Variants in SH3PXD2A observed in about 807,000 individuals in gnomAD.
SH3PXD2A encodes SH3 and PX domain-containing protein 2A.
SH3PXD2A carries 32 observed loss-of-function variants against 115.2 expected under a neutral mutation model. The ratio of observed to expected loss-of-function variants is 0.28; its 90% CI spans 0.21 to 0.37. SH3PXD2A has a LOEUF of 0.37. Ranked by LOEUF, SH3PXD2A falls within the 10% of genes least tolerant of loss-of-function variation. The pLI is 1.00. For synonymous variants in SH3PXD2A, 610 were observed against 629.1 expected, an observed-to-expected ratio of 0.97 and a Z score of 0.45; for missense variants, 1,328 against 1,498.7, an observed-to-expected ratio of 0.89 and a Z score of 1.88.
chr10:103,784,288 T>C lies in SH3PXD2A; in HGVS notation c.153+16994A>G, dbSNP rs1030882616. On this transcript the variant is annotated intron_variant, in intron 2 of 14. Transcript: ENST00000369774. The surrounding 1 kb of genome is among the most constrained non-coding windows in gnomAD (Gnocchi z 4.4). ...CAGGGGTCGCCCAAGCCTCTGTGCA[T>C]GCCCAAGGCGGTCCTGTCCCACACC... is the stretch of plus-strand genomic sequence containing the variant. Among the ~76,000 whole-genome samples, 6 of 152,198 alleles carry C rather than the reference T, an allele frequency of 3.9e-5. No individual in the cohort carries two copies. Among genetic ancestry groups the C allele is most frequent in the African/African-American group, 1.4e-4 (6 of 41,450 alleles).
intron 7 of SH3PXD2A, among the ~76,000 whole-genome samples, chr10:103,664,200 C>T (rs902438625): frequency 3.3e-5 from 5 of 152,202 alleles, no homozygotes; most frequent in African/African-American, 1.2e-4. Context: ...ATGGGGCCTC[C>T]TTTCCCAGTG....
In SH3PXD2A at chr10:103,602,533, C is replaced by T; in HGVS notation, c.2685G>A (p.Val895=). 1.2e-6 allele frequency: 2 copies of T among 1,614,172 alleles called. No individual in the cohort carries two copies. The highest frequency in any genetic ancestry group is 1.7e-6 in the Non-Finnish European group (2 of 1,180,008). The change falls in exon 15 of 15, where the codon GTG becomes GTA. Residue 895 remains valine, a synonymous_variant. Transcript: ENST00000369774. ...LEGWAPSHYL[V]LDENEQPDPS... The stretch of plus-strand genomic sequence containing the variant: ...GGTCAGGTTGCTCGTTCTCATCCAG[C>T]ACCAAATAGTGGGAAGGGGCCCAGC...
intron 8 of SH3PXD2A, among the ~76,000 whole-genome samples, chr10:103,632,024 C>T (rs1466101836): frequency 6.6e-6 from 1 of 152,072 alleles, no homozygotes; most frequent in Non-Finnish European, 1.5e-5. Context: ...GCTAACCACC[C>T]TAGGTGGTGG....
At chr10:103,850,295 C>G (rs1223143731) in intron 1 of SH3PXD2A, among the ~76,000 whole-genome samples, 2 of 152,162 alleles carry the variant, frequency 1.3e-5, no homozygotes, top group Admixed American at 1.3e-4. Context: ...CCCAAAAGCC[C>G]TCACTCAGCT....
At chr10:103,653,417 A>G (rs4918038) in intron 8 of SH3PXD2A, among the ~76,000 whole-genome samples, 133,604 of 152,276 alleles carry the variant, frequency 0.88, 58,717 homozygotes, top group East Asian at 1. Context: ...AACTCGGGTG[A>G]GCAGTGGTTG....
At chr10:103,606,001 CA>C in intron 13 of SH3PXD2A, 84 bp from the exon 14 acceptor site, 1 of 1,488,620 alleles carries the variant, frequency 6.7e-7, no homozygotes, top group Non-Finnish European at 9.2e-7. Flanking sequence ...ACTCAGTCCC[CA>C]GGGGGTGCGG....
intron 3 of SH3PXD2A, among the ~76,000 whole-genome samples, chr10:103,752,985 C>G (rs906548504): frequency 6.6e-6 from 1 of 151,968 alleles, no homozygotes; most frequent in African/African-American, 2.4e-5. Flanking sequence ...GAATGTGATA[C>G]TTTATTAAAA....
intron 10 of SH3PXD2A, among the ~76,000 whole-genome samples, chr10:103,619,672 A>G (rs1258735579): frequency 6.6e-6 from 1 of 152,082 alleles, no homozygotes; most frequent in Non-Finnish European, 1.5e-5. Context: ...TGGGCCATGT[A>G]AGCTCAGGCT....
chr10:103,602,892 T>G lies in SH3PXD2A; in HGVS notation c.2326A>C (p.Ser776Arg), dbSNP rs1235921376. ...ESQSQEKMDI[S>R]TLRRQLRPTG... is the part of the protein sequence containing the mutation. ...GGTCTCAGCTGGCGCCGTAAAGTGC[T>G]GATGTCCATCTTCTCTTGGCTCTGC... The change falls in exon 15 of 15, where the codon AGC becomes CGC. Residue 776 changes from serine to arginine, a missense_variant. By Grantham distance (110) the Ser-to-Arg change is moderately radical. This residue lies in a region of SH3PXD2A where 574 missense variants were observed against 565.7 expected (regional missense o/e 1.01). Transcript: ENST00000369774. 1 of 1,614,084 alleles carries G rather than the reference T, an allele frequency of 6.2e-7. No individual in the cohort carries two copies. The highest frequency in any genetic ancestry group is 1.7e-5 in the Admixed American group (1 of 60,028).
chr10:103,820,542 T>C (rs904296674), intron 1 of SH3PXD2A, among the ~76,000 whole-genome samples: 3 of 151,992 alleles, frequency 2.0e-5, no homozygotes, highest in Non-Finnish European at 4.4e-5. Flanking sequence ...CAAAGTCACG[T>C]CATCCAAGCA....
chr10:103,709,343 C>A (rs1346500945), intron 5 of SH3PXD2A, among the ~76,000 whole-genome samples: 1 of 152,202 alleles, frequency 6.6e-6, no homozygotes, highest in Non-Finnish European at 1.5e-5. Flanking sequence ...GCAACCATTT[C>A]CCTTCTCTGG....
In SH3PXD2A at chr10:103,784,497, T is replaced by A. The variant is rs2038962336; in HGVS notation, c.153+16785A>T. On this transcript the variant is annotated intron_variant, in intron 2 of 14. Transcript: ENST00000369774. This position sits in a 1 kb window ranked among gnomAD's most constrained non-coding sequence, Gnocchi z 4.4. ...TTAAAAGAGACATATCTGAAGCAAA[T>A]GTGGCAAAATATTCACGTGTTAAAT... 6.6e-6 allele frequency among the ~76,000 whole-genome samples: 1 copy of A among 152,198 alleles called. No individual in the cohort carries two copies. Among genetic ancestry groups the A allele is most frequent in the Non-Finnish European group, 1.5e-5 (1 of 68,042 alleles).
rs368480262 is a variant in SH3PXD2A, at chr10:103,602,431, G to C, written c.2787C>G (p.Ile929Met). The change falls in exon 15 of 15, where the codon ATC (isoleucine) becomes ATG (methionine). Residue 929 changes from isoleucine to methionine, a missense_variant. Ile to Met is a conservative substitution (Grantham distance 10). Transcript: ENST00000369774. ...NEGKSDSLEK[I>M]ERRVQALNTV... Reference sequence around the variant, plus strand: ...TGTTCAGTGCTTGGACGCGCCTCTCGATCTTCTCCAGGCTGTCTGATTTGC... The same window carrying C: ...TGTTCAGTGCTTGGACGCGCCTCTCCATCTTCTCCAGGCTGTCTGATTTGC... 5.0e-6 allele frequency: 8 copies of C among 1,614,176 alleles called. No homozygotes were observed. Among genetic ancestry groups the C allele is most frequent in the East Asian group, 4.5e-5 (2 of 44,880 alleles).
intron 5 of SH3PXD2A, 92 bp from the exon 6 acceptor site, chr10:103,693,148 CG>C: frequency 9.8e-7 from 1 of 1,021,568 alleles, no homozygotes; most frequent in Admixed American, 1.9e-5. Context: ...TGGCTGCGGT[CG>C]GTCCCCGGTG....
intron 8 of SH3PXD2A, among the ~76,000 whole-genome samples, chr10:103,657,610 A>G (rs2037230466): frequency 6.6e-6 from 1 of 152,184 alleles, no homozygotes; most frequent in Non-Finnish European, 1.5e-5. Flanking sequence ...GTCTGGCCCT[A>G]GGCCCACTGG....
At chr10:103,691,037 C>T (rs2037743154) in intron 6 of SH3PXD2A, among the ~76,000 whole-genome samples, 1 of 152,192 alleles carries the variant, frequency 6.6e-6, no homozygotes, top group African/African-American at 2.4e-5. Context: ...CCCTGCATTG[C>T]TTAGGAAGCA....
rs1358180192 is a variant in SH3PXD2A at position 103,756,496 on chromosome 10, C to T, written c.229+10598G>A. On this transcript the variant is annotated intron_variant, in intron 3 of 14. Coordinates refer to ENST00000369774, the MANE Select transcript of SH3PXD2A (RefSeq NM_001394015.1). This position sits in a 1 kb window ranked among gnomAD's most constrained non-coding sequence, Gnocchi z 4.4. ...TCCCGAGCCCTCAGTGAAACCTGGA[C>T]CCAGAAACCAGAGTGCCCAGTGCCC... Among the ~76,000 whole-genome samples, 4 of 152,142 alleles carry T rather than the reference C, an allele frequency of 2.6e-5. No individual in the cohort carries two copies. The highest frequency in any genetic ancestry group is 6.5e-5 in the Admixed American group (1 of 15,282).
intron 5 of SH3PXD2A, among the ~76,000 whole-genome samples, chr10:103,703,660 G>T (rs2037946729): frequency 6.6e-6 from 1 of 152,206 alleles, no homozygotes; most frequent in Admixed American, 6.5e-5. Context: ...GTCCAGTATG[G>T]TACCACTGGC....
intron 1 of SH3PXD2A, among the ~76,000 whole-genome samples, chr10:103,811,093 C>T (rs2039266147): frequency 6.6e-6 from 1 of 152,202 alleles, no homozygotes; most frequent in Admixed American, 6.5e-5. Context: ...CCAGGAGCGT[C>T]CGCTGAAAGG....
Sources: gnomAD v4.1 joint callset for allele counts (sites outside exome capture counted in the v4.1 genomes callset) on GRCh38, gnomAD v4.1.1 for gene constraint, gnomAD v4.1.1 regional missense constraint, Gnocchi (gnomAD v3.1) non-coding constraint, MANE v1.5 for transcripts, NCBI Gene and HGNC (gene_info 2026-07-23, HGNC 2026-07-21) for gene names.